The following GRIK5 variants were observed in gnomAD, a reference collection of about 807,000 sequenced individuals.
The protein encoded by GRIK5 is glutamate receptor ionotropic, kainate 5.
In GRIK5, 43 loss-of-function variants were observed where a neutral mutation model predicts 97.4. That is an observed-to-expected ratio of 0.44 (90% CI 0.35 to 0.57). GRIK5 has a LOEUF of 0.57. GRIK5 is among the 20% of genes least tolerant of loss of function. The pLI is 0.01. For missense variants in GRIK5, 1,015 were observed against 1,382.0 expected (o/e 0.73, Z 4.21); for synonymous variants, 580 against 583.5 (o/e 0.99, Z 0.09).
chr19:42,035,494 G>T (rs1296360182), intron 12 of GRIK5, among the ~76,000 whole-genome samples: 1 of 151,846 alleles, frequency 6.6e-6, no homozygotes, highest in East Asian at 1.9e-4. Flanking sequence ...ATCACCTGAG[G>T]TCAGGAGTCG....
intron 12 of GRIK5, among the ~76,000 whole-genome samples, chr19:42,027,490 C>A (rs1167850163): frequency 6.6e-6 from 1 of 152,156 alleles, no homozygotes; most frequent in Admixed American, 6.5e-5. Flanking sequence ...CAGGGCCTTG[C>A]GGGCCACAGT....
intron 15 of GRIK5, among the ~76,000 whole-genome samples, chr19:42,007,320 C>G (rs1380900994): frequency 6.6e-6 from 1 of 151,876 alleles, no homozygotes; most frequent in Non-Finnish European, 1.5e-5. Context: ...GTCTCGAACT[C>G]CTGACCTCAG....
intron 12 of GRIK5, among the ~76,000 whole-genome samples, chr19:42,041,656 C>T (rs2075979086): frequency 6.6e-6 from 1 of 152,188 alleles, no homozygotes; most frequent in Admixed American, 6.5e-5. Flanking sequence ...CATCCCTCCT[C>T]AGCTGCAACC....
chr19:42,063,042 G>A (rs1339848406), intron 3 of GRIK5, among the ~76,000 whole-genome samples, 187 bp from the exon 4 acceptor site: 1 of 152,214 alleles, frequency 6.6e-6, no homozygotes, highest in Non-Finnish European at 1.5e-5. Context: ...GAGGGGGCAT[G>A]AGATGGAGAG....
intron 12 of GRIK5, among the ~76,000 whole-genome samples, chr19:42,031,536 A>G (rs1028551148): frequency 2.0e-5 from 3 of 152,328 alleles, no homozygotes; most frequent in East Asian, 3.9e-4. Context: ...ACCTGGGCTC[A>G]GATTCCACCA....
At chr19:42,066,842 C>T (rs777616642) in intron 1 of GRIK5, among the ~76,000 whole-genome samples, 6 of 151,894 alleles carry the variant, frequency 4.0e-5, no homozygotes, top group Non-Finnish European at 5.9e-5. Flanking sequence ...GGAACCGACT[C>T]GGATACAAGC....
intron 19 of GRIK5, among the ~76,000 whole-genome samples, chr19:42,001,340 T>G (rs935833026): frequency 2.6e-5 from 4 of 152,222 alleles, no homozygotes; most frequent in Non-Finnish European, 5.9e-5. Flanking sequence ...GTAATTCTCC[T>G]GTCTCAGCCT....
intron 12 of GRIK5, among the ~76,000 whole-genome samples, chr19:42,029,705 A>T (rs945192964): frequency 8.5e-5 from 13 of 152,212 alleles, no homozygotes; most frequent in African/African-American, 3.1e-4. Flanking sequence ...TGCTGGTTAC[A>T]TCTGGCCCAG....
chr19:42,000,275 C>A (rs1404638026), intron 19 of GRIK5, among the ~76,000 whole-genome samples: 1 of 152,010 alleles, frequency 6.6e-6, no homozygotes, highest in Non-Finnish European at 1.5e-5. Flanking sequence ...TGTAGGGAGG[C>A]CAAGGCAAGA....
intron 15 of GRIK5, among the ~76,000 whole-genome samples, chr19:42,018,776 G>A (rs2075661566): frequency 6.7e-6 from 1 of 150,232 alleles, no homozygotes; most frequent in Non-Finnish European, 1.5e-5. Context: ...GGGCTGAGGG[G>A]GCCCTGGAGA....
rs2076402808 is a variant in GRIK5 at position 42,070,086 on chromosome 19, CG to C, written c.-897del. Among the ~76,000 whole-genome samples, 1 of 152,090 alleles carries C rather than the reference CG, an allele frequency of 6.6e-6. No individual in the cohort carries two copies. The highest frequency in any genetic ancestry group is 1.5e-5 in the Non-Finnish European group (1 of 67,996). Reference sequence around the variant, plus strand: ...CCTGTGAGGAGCCGGCTCCAGTCCCCGGCTCCAGTCCCCGGCTGGGCCTGCC... The same window carrying C: ...CCTGTGAGGAGCCGGCTCCAGTCCCCGCTCCAGTCCCCGGCTGGGCCTGCC... On this transcript the variant is annotated 5_prime_UTR_variant, in exon 1 of 20. Coordinates refer to ENST00000593562, the MANE Select transcript of GRIK5 (RefSeq NM_002088.5).
At chr19:42,050,255 C>A (rs762855636) in intron 11 of GRIK5, among the ~76,000 whole-genome samples, 1 of 152,080 alleles carries the variant, frequency 6.6e-6, no homozygotes, top group South Asian at 2.1e-4. Context: ...AATCCCCTCA[C>A]TTTAAAGGAG....
intron 12 of GRIK5, among the ~76,000 whole-genome samples, chr19:42,036,766 T>C (rs1256348707): frequency 2.0e-5 from 3 of 152,222 alleles, no homozygotes; most frequent in African/African-American, 4.8e-5. Flanking sequence ...AAACCTGCCA[T>C]GTGTCAGGCC....
intron 17 of GRIK5, among the ~76,000 whole-genome samples, chr19:42,005,283 A>G (rs1221425069): frequency 1.3e-5 from 2 of 151,426 alleles, no homozygotes; most frequent in African/African-American, 2.4e-5. Context: ...GTCCTGAAAT[A>G]TAAATAGGCA....
intron 15 of GRIK5, among the ~76,000 whole-genome samples, chr19:42,011,281 G>A (rs77804315): frequency 0.057 from 8,590 of 151,898 alleles, 617 homozygotes; most frequent in African/African-American, 0.16. Flanking sequence ...GGCTGGGTGC[G>A]GTGGTTTACG....
At chr19:42,060,183 C>T (rs1161866556) in intron 5 of GRIK5, among the ~76,000 whole-genome samples, 1 of 151,890 alleles carries the variant, frequency 6.6e-6, no homozygotes, top group African/African-American at 2.4e-5. Flanking sequence ...CCCCTTGTTA[C>T]TGCCCAGACT....
At chr19:42,030,966 G>A (rs1434811532) in intron 12 of GRIK5, among the ~76,000 whole-genome samples, 3 of 152,220 alleles carry the variant, frequency 2.0e-5, no homozygotes, top group African/African-American at 7.2e-5. Context: ...AATCAGGACA[G>A]AAAGTGGGAA....
intron 15 of GRIK5, among the ~76,000 whole-genome samples, chr19:42,016,429 A>G (rs940630065): frequency 1.2e-4 from 19 of 152,178 alleles, no homozygotes; most frequent in Admixed American, 5.9e-4. Context: ...CTCAAAAATA[A>G]AAAAATAAAA....
chr19:42,005,250 A>AC (rs1487770204), intron 17 of GRIK5, among the ~76,000 whole-genome samples: 7 of 150,694 alleles, frequency 4.6e-5, no homozygotes, highest in African/African-American at 9.7e-5. Flanking sequence ...AAAAAAAAAA[A>AC]AAAAAAACAA....
Sources: allele counts gnomAD v4.1 joint callset (sites outside exome capture counted in the v4.1 genomes callset), GRCh38; gene constraint gnomAD v4.1.1; transcripts MANE v1.5; gene names NCBI Gene and HGNC (gene_info 2026-07-23, HGNC 2026-07-21).